IPO4: variants seen among roughly 807,000 people sequenced by gnomAD.
The protein encoded by IPO4 is importin 4.
In IPO4, 91 loss-of-function variants were observed where a neutral mutation model predicts 133.5. That is an observed-to-expected ratio of 0.68 (90% CI 0.58 to 0.81). IPO4 has a LOEUF of 0.81. Ranked by LOEUF, IPO4 falls within the 30% of genes least tolerant of loss-of-function variation. The pLI, the probability that IPO4 is intolerant of heterozygous loss-of-function variation, is 0.00. For synonymous variants in IPO4, 607 were observed against 581.6 expected (o/e 1.04, Z -0.63); for missense variants, 1,279 against 1,386.2 (o/e 0.92, Z 1.23).
In IPO4 at chr14:24,181,969, G is replaced by T; in HGVS notation, c.2793C>A (p.Gly931=). Residue 931 remains glycine (G), a synonymous_variant, in exon 26 of 30, where the codon GGC becomes GGA. Coordinates refer to ENST00000354464, the MANE Select transcript of IPO4 (RefSeq NM_024658.4). Reference sequence around the variant, plus strand: ...GCCAAGGATACTCCTGGGCAGGGTGGCCCCCATGCTCTGCCAGCACGCCCA... The same window carrying T: ...GCCAAGGATACTCCTGGGCAGGGTGTCCCCCATGCTCTGCCAGCACGCCCA... ...FGMGVLAEHG[G]HPAQEHFPKL... is the part of the protein sequence containing the mutation. 6.2e-7 allele frequency: 1 copy of T among 1,611,238 alleles called. No homozygotes were observed.
At chr14:24,180,924 C>T (rs1296114721) in intron 28 of IPO4, among the ~76,000 whole-genome samples, 166 bp from the exon 29 acceptor site, 1 of 152,140 alleles carries the variant, frequency 6.6e-6, no homozygotes, top group Non-Finnish European at 1.5e-5. Flanking sequence ...ACCAATGAAA[C>T]TTGGTGCTAA....
In IPO4 at chr14:24,188,441, G is replaced by A; in HGVS notation, c.157-18C>T. The A allele has an allele frequency of 1.2e-6, 2 of 1,610,224 alleles. No homozygotes were observed. The highest frequency in any genetic ancestry group is 1.1e-5 in the South Asian group (1 of 91,066). ...TGGCGGATCTAGGACGAGGAAGCAA[G>A]CACGTGGGGGTCCGGGCAGGAAGGT... On this transcript the variant is annotated intron_variant, in intron 2 of 29. Coordinates refer to ENST00000354464, the MANE Select transcript of IPO4 (RefSeq NM_024658.4).
chr14:24,185,380 C>A, intron 13 of IPO4, 68 bp from the exon 14 acceptor site: 1 of 1,612,306 alleles, frequency 6.2e-7, no homozygotes, highest in South Asian at 1.1e-5. Context: ...GTGCTGATGG[C>A]AGCAGGGATG....
At position 24,188,575 on chromosome 14, in the gene IPO4, G is replaced by T. The variant is rs780946673; in HGVS notation, c.133C>A (p.Leu45Ile). ...ACCTGGGGGTCGGCCGCCGAGGCTA[G>T]CAGGTCGCAGAGAGCCGGCAAAGCG... ...PAALPALCDLLASAADPQIRQ... is the reference protein window; with the variant it reads ...PAALPALCDLIASAADPQIRQ... Residue 45 changes from leucine (L) to isoleucine (I), a missense_variant, in exon 2 of 30, where the codon CTA becomes ATA. By Grantham distance (5) the Leu-to-Ile change is conservative. This residue lies in a region of IPO4 where 695 missense variants were observed against 704.1 expected (regional missense o/e 0.99). Transcript: ENST00000354464. The T allele has an allele frequency of 1.1e-5, 18 of 1,613,050 alleles. No homozygotes were observed. In the Admixed American group the frequency reaches 1.7e-4, roughly 15 times the overall value.
intron 5 of IPO4, 26 bp downstream of exon 5, chr14:24,187,641 C>T: frequency 1.2e-6 from 2 of 1,613,702 alleles, no homozygotes; most frequent in Non-Finnish European, 1.7e-6. Flanking sequence ...CTCAGGCCCT[C>T]CCTCCTGCCA....
At position 24,188,439 on chromosome 14, in the gene IPO4, A is replaced by C; in HGVS notation, c.157-16T>G. 1 of 1,610,442 alleles carries C rather than the reference A, an allele frequency of 6.2e-7. No individual in the cohort carries two copies. The highest frequency in any genetic ancestry group is 8.5e-7 in the Non-Finnish European group (1 of 1,179,762). On this transcript the variant is annotated splice_polypyrimidine_tract_variant and intron_variant, in intron 2 of 29. Coordinates refer to ENST00000354464, the MANE Select transcript of IPO4 (RefSeq NM_024658.4). ...ACTGGCGGATCTAGGACGAGGAAGC[A>C]AGCACGTGGGGGTCCGGGCAGGAAG...
intron 12 of IPO4, 80 bp downstream of exon 12, chr14:24,185,781 G>T: frequency 1.7e-6 from 2 of 1,158,666 alleles, no homozygotes; most frequent in Non-Finnish European, 2.6e-6. Context: ...TGATAAATAA[G>T]CTTGAACAAC....
At position 24,186,324 on chromosome 14, in the gene IPO4, T is replaced by C. The variant is rs937593465; in HGVS notation, c.968A>G (p.Glu323Gly). 6.2e-7 allele frequency: 1 copy of C among 1,611,546 alleles called. No homozygotes were observed. Among genetic ancestry groups the C allele is most frequent in the African/African-American group, 1.3e-5 (1 of 74,848 alleles). Residue 323 changes from glutamate (E) to glycine (G), a missense_variant, in exon 10 of 30, where the codon GAG becomes GGG. Transcript: ENST00000354464. ...QDSEEEELEI[E>G]LMGETPKHFA... Reference sequence around the variant, plus strand: ...ATGCTTGGGAGTCTCCCCCATCAGCTCAATCTCCAACTCTTCCTCTTCTGA... The same window carrying C: ...ATGCTTGGGAGTCTCCCCCATCAGCCCAATCTCCAACTCTTCCTCTTCTGA...
intron 12 of IPO4, 103 bp from the exon 13 acceptor site, chr14:24,185,670 G>A: frequency 2.6e-6 from 3 of 1,147,494 alleles, no homozygotes; most frequent in Non-Finnish European, 3.9e-6. Flanking sequence ...GGCTTTTCCT[G>A]TCACCAGAGG....
At chr14:24,180,936 G>T (rs1461712174) in intron 28 of IPO4, among the ~76,000 whole-genome samples, 178 bp from the exon 29 acceptor site, 1 of 152,134 alleles carries the variant, frequency 6.6e-6, no homozygotes, top group African/African-American at 2.4e-5. Context: ...TGGTGCTAAT[G>T]ATTTTTTTTG....
chr14:24,188,720 C>T lies in IPO4; in HGVS notation c.68G>A (p.Arg23Gln), dbSNP rs1396072643. Residue 23 changes from arginine to glutamine, a missense_variant and splice_region_variant, in exon 1 of 30, where the codon CGG becomes CAG. Arg to Gln is a conservative substitution (Grantham distance 43). Around this residue, in one of 3 missense-constraint regions of IPO4, gnomAD observed 695 missense variants for 704.1 expected, o/e 0.99. Coordinates refer to ENST00000354464, the MANE Select transcript of IPO4 (RefSeq NM_024658.4). ...LLLPDTERIRRATEQLQIVLR... is the reference protein window; with the variant it reads ...LLLPDTERIRQATEQLQIVLR... ...GGCCCGGTTACGCCTGCTCCGTACCCGACGGATGCGCTCGGTGTCCGGTAG... is the reference window on the plus strand; with the variant it reads ...GGCCCGGTTACGCCTGCTCCGTACCTGACGGATGCGCTCGGTGTCCGGTAG... 1.3e-6 allele frequency: 2 copies of T among 1,569,370 alleles called. No individual in the cohort carries two copies. Among genetic ancestry groups the T allele is most frequent in the East Asian group, 4.5e-5 (2 of 44,096 alleles).
In IPO4 at chr14:24,188,792, G is replaced by A. The variant is rs978576705; in HGVS notation, c.-5C>T. On this transcript the variant is annotated 5_prime_UTR_variant, in exon 1 of 30. Coordinates refer to ENST00000354464, the MANE Select transcript of IPO4 (RefSeq NM_024658.4). ...CTCTAGCCCGGCTGACTCCATGGCAGCAACTGAGCCGCCGCTACTGGGCCG... is the reference window on the plus strand; with the variant it reads ...CTCTAGCCCGGCTGACTCCATGGCAACAACTGAGCCGCCGCTACTGGGCCG... 3 of 1,496,336 alleles carry A rather than the reference G, an allele frequency of 2.0e-6. No individual in the cohort carries two copies. The African/African-American group carries it at 4.2e-5, about 21-fold the overall frequency. 92.7% of individuals were successfully genotyped at this position (1,496,336 alleles called of 1,614,324 possible).
Position 24,185,538 on chromosome 14 carries a change from C to T in IPO4, c.1199G>A (p.Cys400Tyr). The T allele has an allele frequency of 6.2e-7, 1 of 1,614,186 alleles. No individual in the cohort carries two copies. Among genetic ancestry groups the T allele is most frequent in the Non-Finnish European group, 8.5e-7 (1 of 1,180,026 alleles). Residue 400 changes from cysteine (C) to tyrosine (Y), a missense_variant, in exon 13 of 30, where the codon TGC becomes TAC. Cys to Tyr is a radical substitution (Grantham distance 194, BLOSUM62 -2). Around this residue, in one of 3 missense-constraint regions of IPO4, gnomAD observed 695 missense variants for 704.1 expected, o/e 0.99. Transcript: ENST00000354464. ...RLLPPLLQIVCKGLEDPSQVV... is the reference protein window; with the variant it reads ...RLLPPLLQIVYKGLEDPSQVV... ...TTGCGAGGGGTCCTCCAGGCCCTTG[C>T]ACACAATCTGCAGCAGTGGGGGCAG...
In IPO4 at chr14:24,184,781, A is replaced by C; in HGVS notation, c.1523-18T>G. The stretch of plus-strand genomic sequence containing the variant: ...AGCCGTAGCTGCAGGATGGAAGGAC[A>C]GAATCAGAGCTGGAGAGGGCAGGGA... On this transcript the variant is annotated intron_variant, in intron 15 of 29. Transcript: ENST00000354464. 1 of 1,609,194 alleles carries C rather than the reference A, an allele frequency of 6.2e-7. No individual in the cohort carries two copies. The highest frequency in any genetic ancestry group is 8.5e-7 in the Non-Finnish European group (1 of 1,176,560).
In IPO4 at chr14:24,183,669, T is replaced by C; in HGVS notation, c.1986-2A>G. 1 of 1,614,032 alleles carries C rather than the reference T, an allele frequency of 6.2e-7. No individual in the cohort carries two copies. The highest frequency in any genetic ancestry group is 8.5e-7 in the Non-Finnish European group (1 of 1,179,994). On this transcript the variant is annotated splice_acceptor_variant, in intron 19 of 29. Transcript: ENST00000354464. LOFTEE classifies it high-confidence loss of function. ...AAGAAGGCATTCTCCACGCTGTACC[T>C]AGAGTAAGAAGGGGAGGCAGTGGTG... is the stretch of plus-strand genomic sequence containing the variant.
chr14:24,188,420 G>C lies in IPO4; in HGVS notation c.160C>G (p.Arg54Gly), dbSNP rs2039258855. The change falls in exon 3 of 30, where the codon CGC (arginine) becomes GGC (glycine). Residue 54 changes from arginine (R) to glycine (G), a missense_variant. Arg to Gly is a moderately radical substitution (Grantham distance 125). Coordinates refer to ENST00000354464, the MANE Select transcript of IPO4 (RefSeq NM_024658.4). ...LLASAADPQI[R>G]QFAAVLTRRR... ...CGGGTCAGCACGGCCGCAAACTGGCGGATCTAGGACGAGGAAGCAAGCACG... is the reference window on the plus strand; with the variant it reads ...CGGGTCAGCACGGCCGCAAACTGGCCGATCTAGGACGAGGAAGCAAGCACG... 1 of 1,611,226 alleles carries C rather than the reference G, an allele frequency of 6.2e-7. No individual in the cohort carries two copies. Among genetic ancestry groups the C allele is most frequent in the Admixed American group, 1.7e-5 (1 of 59,992 alleles).
At chr14:24,188,160 A>G in intron 4 of IPO4, 56 bp downstream of exon 4, 1 of 1,569,768 alleles carries the variant, frequency 6.4e-7, no homozygotes, top group Non-Finnish European at 8.7e-7. Flanking sequence ...CCGAAAAGGA[A>G]GGCAGAAACC....
In IPO4 at chr14:24,187,766, G is replaced by C. The variant is rs1469017402; in HGVS notation, c.309C>G (p.Leu103=). ...EHCVSLSLAQ[L]SATIFRKEGL... is the part of the protein sequence containing the mutation. ...CTTCCTTTCGAAAAATGGTGGCTGA[G>C]AGCTGGGCCAGGCTGAGGCTCACAC... is the stretch of plus-strand genomic sequence containing the variant. Residue 103 remains leucine (L), a synonymous_variant, in exon 5 of 30, where the codon CTC becomes CTG. Transcript: ENST00000354464. 3 of 1,614,174 alleles carry C rather than the reference G, an allele frequency of 1.9e-6. No individual in the cohort carries two copies. The East Asian group carries it at 6.7e-5, about 36-fold the overall frequency.
intron 3 of IPO4, 34 bp from the exon 4 acceptor site, chr14:24,188,291 C>G: frequency 6.2e-7 from 1 of 1,613,076 alleles, no homozygotes; most frequent in Non-Finnish European, 8.5e-7. Context: ...TGGTACCCAG[C>G]CTGCCCAAGA....
Sources: gnomAD v4.1 joint callset for allele counts (sites outside exome capture counted in the v4.1 genomes callset) on GRCh38, gnomAD v4.1.1 for gene constraint, gnomAD v4.1.1 regional missense constraint, MANE v1.5 for transcripts, NCBI Gene and HGNC (gene_info 2026-07-23, HGNC 2026-07-21) for gene names.